UBE2E1: variants seen among roughly 807,000 people sequenced by gnomAD.
UBE2E1 encodes the protein ubiquitin-conjugating enzyme E2 E1.
UBE2E1 carries 6 observed loss-of-function variants against 21.4 expected under a neutral mutation model. The observed-to-expected ratio is 0.28, with a 90% CI of 0.15 to 0.55. UBE2E1 has a LOEUF of 0.55. Among genes scored for constraint, UBE2E1 ranks in the 20% least tolerant of loss-of-function variants. UBE2E1 has a pLI of 0.93. For synonymous variants in UBE2E1, 87 were observed against 82.7 expected, an observed-to-expected ratio of 1.05 and a Z score of -0.28; for missense variants, 142 against 236.5, an observed-to-expected ratio of 0.60 and a Z score of 2.62.
At chr3:23,814,534 A>C (rs931227179) in intron 3 of UBE2E1, among the ~76,000 whole-genome samples, 1 of 152,018 alleles carries the variant, frequency 6.6e-6, no homozygotes, top group South Asian at 2.1e-4. Flanking sequence ...TAGTTTCCCA[A>C]CTCACTCTTC....
intron 3 of UBE2E1, among the ~76,000 whole-genome samples, chr3:23,883,435 T>G (rs1334026931): frequency 6.6e-6 from 1 of 152,164 alleles, no homozygotes; most frequent in Admixed American, 6.6e-5. Context: ...CCTCCACCCC[T>G]GGGGATGGGA....
chr3:23,871,669 CAG>C (rs1306243988), intron 3 of UBE2E1, among the ~76,000 whole-genome samples: 2 of 150,838 alleles, frequency 1.3e-5, no homozygotes, highest in Non-Finnish European at 3.0e-5. Context: ...GGCGGCCGGG[CAG>C]AGACACTCCT....
At chr3:23,855,969 A>C (rs769275701) in intron 3 of UBE2E1, among the ~76,000 whole-genome samples, 1 of 152,204 alleles carries the variant, frequency 6.6e-6, no homozygotes, top group Non-Finnish European at 1.5e-5. Flanking sequence ...CAGATGAGGA[A>C]ACTGAGGACT....
rs1699358804 is a variant in UBE2E1, at chr3:23,810,409, G to A, written c.153-1051G>A. On this transcript the variant is annotated intron_variant, in intron 2 of 5. Transcript: ENST00000306627. The surrounding 1 kb of genome is among the most constrained non-coding windows in gnomAD (Gnocchi z 5.8). ...GGGATGGGGCCCTTTGTGAAGTCGA[G>A]GGTTGGTGCGGAGGGAGAAAACTGC... is the stretch of plus-strand genomic sequence containing the variant. 6.5e-7 allele frequency: 1 copy of A among 1,533,656 alleles called. No homozygotes were observed. Among genetic ancestry groups the A allele is most frequent in the Non-Finnish European group, 8.7e-7 (1 of 1,145,142 alleles).
chr3:23,814,073 A>C (rs186911829), intron 3 of UBE2E1, among the ~76,000 whole-genome samples: 1 of 152,288 alleles, frequency 6.6e-6, no homozygotes, highest in East Asian at 1.9e-4. Context: ...CACTTGGCAC[A>C]TAGTAACTTC....
At chr3:23,835,699 G>C (rs1559480756) in intron 3 of UBE2E1, among the ~76,000 whole-genome samples, 2 of 152,192 alleles carry the variant, frequency 1.3e-5, no homozygotes, top group Non-Finnish European at 2.9e-5. Flanking sequence ...AAAATAAAAA[G>C]TGAATCAATT....
chr3:23,875,423 G>A (rs1183507461), intron 3 of UBE2E1, among the ~76,000 whole-genome samples: 1 of 152,170 alleles, frequency 6.6e-6, no homozygotes, highest in Non-Finnish European at 1.5e-5. Flanking sequence ...GACTATAGCA[G>A]TCTGTGTAAA....
intron 3 of UBE2E1, among the ~76,000 whole-genome samples, chr3:23,826,634 G>A (rs532675125): frequency 6.6e-6 from 1 of 152,282 alleles, no homozygotes; most frequent in Admixed American, 6.5e-5. Context: ...ACAGTGTGAA[G>A]CCCCAAATCT....
intron 3 of UBE2E1, among the ~76,000 whole-genome samples, chr3:23,851,487 C>T: frequency 6.6e-6 from 1 of 152,008 alleles, no homozygotes; most frequent in South Asian, 2.1e-4. Context: ...AATCTGTACA[C>T]CAGTTTGAGA....
chr3:23,885,809 G>A (rs1008433987), intron 3 of UBE2E1, among the ~76,000 whole-genome samples: 5 of 152,274 alleles, frequency 3.3e-5, no homozygotes, highest in African/African-American at 7.2e-5. Flanking sequence ...GCATTGAGCC[G>A]AGATCGTGCC....
At chr3:23,872,650 A>G (rs547741003) in intron 3 of UBE2E1, among the ~76,000 whole-genome samples, 1 of 152,384 alleles carries the variant, frequency 6.6e-6, no homozygotes, top group South Asian at 2.1e-4. Flanking sequence ...TATTTAAAAC[A>G]TCTATGATTG....
At chr3:23,839,473 AAATAAT>A (rs56960999) in intron 3 of UBE2E1, among the ~76,000 whole-genome samples, 9 of 150,968 alleles carry the variant, frequency 6.0e-5, no homozygotes, top group East Asian at 1.9e-4. Context: ...CAAAAAAAGA[AAATAAT>A]AATAATAATA....
In UBE2E1 at chr3:23,810,474, C is replaced by T; in HGVS notation, c.153-986C>T. ...TCCCCAGTGTGAGCTAGAGAGCGGACCATGAAGGAAGTGGGCAGACCCCGG... is the reference window on the plus strand; with the variant it reads ...TCCCCAGTGTGAGCTAGAGAGCGGATCATGAAGGAAGTGGGCAGACCCCGG... On this transcript the variant is annotated intron_variant, in intron 2 of 5. Transcript: ENST00000306627. This position sits in a 1 kb window ranked among gnomAD's most constrained non-coding sequence, Gnocchi z 5.8. 3 of 1,535,724 alleles carry T rather than the reference C, an allele frequency of 2.0e-6. No homozygotes were observed. The highest frequency in any genetic ancestry group is 1.2e-5 in the South Asian group (1 of 84,056).
intron 3 of UBE2E1, among the ~76,000 whole-genome samples, chr3:23,879,678 C>A (rs1012030071): frequency 6.6e-6 from 1 of 152,198 alleles, no homozygotes; most frequent in East Asian, 1.9e-4. Context: ...GCCTGGGCCG[C>A]GGCGGAGGAC....
At chr3:23,873,412 A>AGGGT (rs1378526532) in intron 3 of UBE2E1, among the ~76,000 whole-genome samples, 1 of 149,894 alleles carries the variant, frequency 6.7e-6, no homozygotes, top group Admixed American at 6.7e-5. Flanking sequence ...TGGCCCTGGG[A>AGGGT]GGGTGCAGGT....
chr3:23,881,171 C>G (rs1259303598), intron 3 of UBE2E1, among the ~76,000 whole-genome samples: 1 of 152,152 alleles, frequency 6.6e-6, no homozygotes, highest in Non-Finnish European at 1.5e-5. Context: ...TCATGGCCAT[C>G]CCCGCTCCTA....
intron 3 of UBE2E1, among the ~76,000 whole-genome samples, chr3:23,872,526 A>G (rs1286927819): frequency 6.6e-6 from 1 of 152,170 alleles, no homozygotes; most frequent in Admixed American, 6.5e-5. Context: ...GTGGTTCTCA[A>G]ACTCTTTGGT....
intron 3 of UBE2E1, among the ~76,000 whole-genome samples, chr3:23,862,108 T>C (rs981955495): frequency 6.6e-6 from 1 of 152,222 alleles, no homozygotes. Flanking sequence ...CCCTAGAGGT[T>C]TGAGCAGCGG....
rs190428253 is a variant in UBE2E1, at chr3:23,834,247, G to A, written c.203+22737G>A. On this transcript the variant is annotated intron_variant, in intron 3 of 5. Transcript: ENST00000306627. ...AGTTCAAATCTTAACTCTGCCTCTT[G>A]ATGGCACTATAATCTTGGGCAGATC... Among the ~76,000 whole-genome samples, 3 of 152,144 alleles carry A rather than the reference G, an allele frequency of 2.0e-5. No individual in the cohort carries two copies. In the East Asian group the frequency reaches 5.8e-4, roughly 29 times the overall value.
Sources: allele counts gnomAD v4.1 joint callset (sites outside exome capture counted in the v4.1 genomes callset), GRCh38; gene constraint gnomAD v4.1.1; non-coding constraint Gnocchi (gnomAD v3.1); transcripts MANE v1.5; gene names NCBI Gene and HGNC (gene_info 2026-07-23, HGNC 2026-07-21).